Variants in SNX4 observed in about 807,000 individuals in gnomAD.
SNX4 encodes sorting nexin-4.
Under a neutral mutation model 70.8 loss-of-function variants are expected in SNX4, and 49 were observed. The ratio of observed to expected loss-of-function variants is 0.69; its 90% CI spans 0.55 to 0.88. The LOEUF is 0.88. Among genes scored for constraint, SNX4 ranks in the 40% least tolerant of loss-of-function variants. The pLI, the probability that SNX4 is intolerant of heterozygous loss-of-function variation, is 0.00. For synonymous variants in SNX4, 206 were observed against 183.8 expected, an observed-to-expected ratio of 1.12 and a Z score of -0.98; for missense variants, 528 against 544.8, an observed-to-expected ratio of 0.97 and a Z score of 0.31.
At chr3:125,502,354 T>C (rs1011964462) in intron 2 of SNX4, among the ~76,000 whole-genome samples, 4 of 152,046 alleles carry the variant, frequency 2.6e-5, no homozygotes. Flanking sequence ...TCTTTCTTTT[T>C]TTTTTTTAGA....
At chr3:125,495,409 T>C (rs564495942) in intron 5 of SNX4, among the ~76,000 whole-genome samples, 1 of 151,146 alleles carries the variant, frequency 6.6e-6, no homozygotes, top group Non-Finnish European at 1.5e-5. Flanking sequence ...ACAAGAAACA[T>C]CCACAACAAA....
chr3:125,450,189 C>T (rs1276835036), intron 13 of SNX4, among the ~76,000 whole-genome samples: 3 of 152,136 alleles, frequency 2.0e-5, no homozygotes, highest in Admixed American at 2.0e-4. Context: ...GAGATGCTAC[C>T]AAACTACAAC....
intron 1 of SNX4, among the ~76,000 whole-genome samples, chr3:125,515,831 G>A (rs1935267283): frequency 1.3e-5 from 2 of 152,092 alleles, no homozygotes; most frequent in African/African-American, 4.8e-5. Context: ...AGGATCACTT[G>A]AGCCCAGGAG....
In SNX4 at chr3:125,504,443, C is replaced by G. The variant is rs191133250; in HGVS notation, c.263+180G>C. Among the ~76,000 whole-genome samples, 1,269 of 151,738 alleles carry G rather than the reference C, an allele frequency of 8.4e-3. 11 individuals carry two copies. Among genetic ancestry groups the G allele is most frequent in the Non-Finnish European group, 0.014 (956 of 67,962 alleles). On this transcript the variant is annotated intron_variant, in intron 2 of 13. Coordinates refer to ENST00000251775, the MANE Select transcript of SNX4 (RefSeq NM_003794.4). Reference sequence around the variant, plus strand: ...AGGCTGCAGTGAGCCATGACTACACCACTGCACTCCAGCCCAGGCAACAGA... The same window carrying G: ...AGGCTGCAGTGAGCCATGACTACACGACTGCACTCCAGCCCAGGCAACAGA...
Position 125,456,240 on chromosome 3 carries a change from CCT to C in SNX4, c.1044+1024_1044+1025del, listed in dbSNP as rs10575685. Among the ~76,000 whole-genome samples, 1,345 of 152,262 alleles carry C rather than the reference CCT, an allele frequency of 8.8e-3. 11 individuals carry two copies. The highest frequency in any genetic ancestry group is 0.014 in the Non-Finnish European group (980 of 68,024). On this transcript the variant is annotated intron_variant, in intron 11 of 13. Coordinates refer to ENST00000251775, the MANE Select transcript of SNX4 (RefSeq NM_003794.4). ...AAAGAATAAAGTACATCAAAAGCTC[CCT>C]GTTAGGCGAGATGCACTGGTTCTAA...
chr3:125,486,348 A>G (rs1052661526), intron 6 of SNX4, among the ~76,000 whole-genome samples: 1 of 152,090 alleles, frequency 6.6e-6, no homozygotes, highest in Non-Finnish European at 1.5e-5. Context: ...CACTTTACGT[A>G]TAAGTTAAGT....
At chr3:125,490,677 T>G (rs1035226978) in intron 5 of SNX4, among the ~76,000 whole-genome samples, 1 of 151,934 alleles carries the variant, frequency 6.6e-6, no homozygotes, top group Non-Finnish European at 1.5e-5. Flanking sequence ...TCTAGATAAT[T>G]ACTCTCAAAG....
chr3:125,498,876 A>C (rs747926380), intron 2 of SNX4, among the ~76,000 whole-genome samples: 1 of 152,216 alleles, frequency 6.6e-6, no homozygotes, highest in Non-Finnish European at 1.5e-5. Context: ...TGTTTCATTA[A>C]ATAAAAAGCA....
chr3:125,520,140 C>T lies in SNX4; in HGVS notation c.33G>A (p.Gln11=). Residue 11 remains glutamine, a synonymous_variant, in exon 1 of 14, where the codon CAG becomes CAA. Transcript: ENST00000251775. MEQAPPDPER[Q]LQPAPLEPLG... is the part of the protein sequence containing the mutation. Reference sequence around the variant, plus strand: ...GCGGCTCCAAGGGCGCCGGCTGGAGCTGCCGCTCGGGGTCCGGAGGTGCCT... The same window carrying T: ...GCGGCTCCAAGGGCGCCGGCTGGAGTTGCCGCTCGGGGTCCGGAGGTGCCT... 1 of 1,447,020 alleles carries T rather than the reference C, an allele frequency of 6.9e-7. No homozygotes were observed. Among genetic ancestry groups the T allele is most frequent in the Non-Finnish European group, 9.0e-7 (1 of 1,105,608 alleles). The allele number at this position is 1,447,020 out of a possible 1,614,324, so 89.6% of individuals were successfully genotyped here.
At chr3:125,462,249 A>G (rs1933901023) in intron 9 of SNX4, among the ~76,000 whole-genome samples, 1 of 152,072 alleles carries the variant, frequency 6.6e-6, no homozygotes, top group Non-Finnish European at 1.5e-5. Context: ...TATTTGAATT[A>G]TCTATTTGTT....
chr3:125,486,527 G>A (rs1934538289), intron 6 of SNX4, among the ~76,000 whole-genome samples: 1 of 152,160 alleles, frequency 6.6e-6, no homozygotes, highest in Non-Finnish European at 1.5e-5. Context: ...TCAGGAGGCT[G>A]AGGCAGGAGA....
chr3:125,473,566 C>G (rs1308104228), intron 8 of SNX4, among the ~76,000 whole-genome samples: 1 of 152,184 alleles, frequency 6.6e-6, no homozygotes, highest in Admixed American at 6.5e-5. Flanking sequence ...AGGCACACGC[C>G]ATCATGCCCG....
intron 1 of SNX4, 78 bp downstream of exon 1, chr3:125,519,954 G>GCCCCCCCCCCCCCCCCCCCC: frequency 9.2e-7 from 1 of 1,081,880 alleles, no homozygotes; most frequent in Non-Finnish European, 1.2e-6. Flanking sequence ...GCCCGGCCCA[G>GCCCCCCCCCCCCCCCCCCCC]CCCAGCCCAG....
chr3:125,492,729 G>GT (rs965269440), intron 5 of SNX4, among the ~76,000 whole-genome samples: 2 of 152,136 alleles, frequency 1.3e-5, no homozygotes, highest in African/African-American at 4.8e-5. Context: ...GAGTTTATGA[G>GT]TATTTCCAGC....
At chr3:125,458,095 A>C (rs1157001477) in intron 10 of SNX4, among the ~76,000 whole-genome samples, 2 of 151,942 alleles carry the variant, frequency 1.3e-5, no homozygotes, top group African/African-American at 4.8e-5. Flanking sequence ...GTAATCTCAC[A>C]TAGCAACTGA....
intron 5 of SNX4, among the ~76,000 whole-genome samples, chr3:125,496,596 C>T (rs1449196865): frequency 1.3e-5 from 2 of 152,102 alleles, no homozygotes; most frequent in African/African-American, 4.8e-5. Flanking sequence ...ATTCAGTTTA[C>T]ACCAGAGATG....
chr3:125,459,670 C>T (rs1579975904), intron 10 of SNX4, among the ~76,000 whole-genome samples: 1 of 152,066 alleles, frequency 6.6e-6, no homozygotes, highest in Admixed American at 6.5e-5. Flanking sequence ...AACTCCTGGC[C>T]TCAGGTGATC....
chr3:125,458,062 T>G (rs543850511), intron 10 of SNX4, among the ~76,000 whole-genome samples: 1 of 152,126 alleles, frequency 6.6e-6, no homozygotes, highest in Non-Finnish European at 1.5e-5. Flanking sequence ...AATTAGTTCT[T>G]ACATAATGTA....
chr3:125,480,271 G>C lies in SNX4; in HGVS notation c.702C>G (p.Ile234Met). The change falls in exon 7 of 14, where the codon ATC becomes ATG. Residue 234 changes from isoleucine (I) to methionine (M), a missense_variant. Ile to Met is a conservative substitution (Grantham distance 10, BLOSUM62 1). Coordinates refer to ENST00000251775, the MANE Select transcript of SNX4 (RefSeq NM_003794.4). ...CAGCTCTGACTCGAAGAAGATGTGA[G>C]ATGACAGACTGCAGTTCATCACTAT... ...KHYSDELQSV[I>M]SHLLRVRARV... is the part of the protein sequence containing the mutation. 1 of 1,568,106 alleles carries C rather than the reference G, an allele frequency of 6.4e-7. No individual in the cohort carries two copies. The highest frequency in any genetic ancestry group is 1.7e-4 in the Middle Eastern group (1 of 5,914).
Sources: allele counts gnomAD v4.1 joint callset (sites outside exome capture counted in the v4.1 genomes callset), GRCh38; gene constraint gnomAD v4.1.1; transcripts MANE v1.5; gene names NCBI Gene and HGNC (gene_info 2026-07-23, HGNC 2026-07-21).